Variants in HHLA2 observed in about 807,000 individuals in gnomAD.
HHLA2 encodes HERV-H LTR-associating protein 2.
Under a neutral mutation model 45.9 loss-of-function variants are expected in HHLA2, and 48 were observed. That is an observed-to-expected ratio of 1.05 (90% CI 0.83 to 1.33). The LOEUF is 1.33. Among genes scored for constraint, HHLA2 ranks in the 40% most tolerant of loss-of-function variants. The pLI, the probability that HHLA2 is intolerant of heterozygous loss-of-function variation, is 0.00. For missense variants in HHLA2, 462 were observed against 494.3 expected (o/e 0.93, Z 0.62); for synonymous variants, 161 against 173.9 (o/e 0.93, Z 0.59).
intron 4 of HHLA2, among the ~76,000 whole-genome samples, chr3:108,352,946 G>A (rs1381722777): frequency 6.6e-6 from 1 of 152,148 alleles, no homozygotes; most frequent in East Asian, 1.9e-4. Flanking sequence ...ACCCAGCATT[G>A]TCTTCTATGT....
chr3:108,321,014 A>C (rs2081189989), intron 2 of HHLA2, among the ~76,000 whole-genome samples: 1 of 148,894 alleles, frequency 6.7e-6, no homozygotes, highest in Non-Finnish European at 1.5e-5. Context: ...AGAAAGAATA[A>C]GGAATTTATT....
At chr3:108,303,589 T>G (rs1026625352) in intron 1 of HHLA2, among the ~76,000 whole-genome samples, 1 of 152,200 alleles carries the variant, frequency 6.6e-6, no homozygotes, top group African/African-American at 2.4e-5. Flanking sequence ...TTTTGTATAT[T>G]TTTTTCTAGA....
rs13316353 is a variant in HHLA2, at chr3:108,345,445, G to A, written c.-26-6343G>A. On this transcript the variant is annotated intron_variant, in intron 3 of 10. Coordinates refer to ENST00000619531, the Ensembl canonical transcript of HHLA2. ...CTGCAAATTCACAGAATATCAGATA[G>A]TAAATGTGTGGTATTGTTAAAATAA... Among the ~76,000 whole-genome samples, 1,466 of 152,356 alleles carry A rather than the reference G, an allele frequency of 9.6e-3. 21 individuals are homozygous for A. Among genetic ancestry groups the A allele is most frequent in the African/African-American group, 0.033 (1,379 of 41,582 alleles).
intron 3 of HHLA2, among the ~76,000 whole-genome samples, chr3:108,349,695 G>A (rs1405587602): frequency 6.6e-6 from 1 of 152,190 alleles, no homozygotes; most frequent in Non-Finnish European, 1.5e-5. Context: ...GTACAGTGAA[G>A]GGTTTGGCCT....
intron 1 of HHLA2, among the ~76,000 whole-genome samples, chr3:108,304,088 C>T (rs1248650511): frequency 6.6e-6 from 1 of 152,098 alleles, no homozygotes; most frequent in Non-Finnish European, 1.5e-5. Flanking sequence ...AATGCACTGG[C>T]GTTTTGAGTG....
intron 8 of HHLA2, 92 bp downstream of exon 7, chr3:108,362,538 T>G: frequency 1.2e-6 from 1 of 818,904 alleles, no homozygotes; most frequent in South Asian, 1.7e-5. Context: ...CTACTGGGCA[T>G]GTAATTGATC....
chr3:108,327,296 TG>T (rs2081304307), intron 2 of HHLA2, among the ~76,000 whole-genome samples: 1 of 152,198 alleles, frequency 6.6e-6, no homozygotes, highest in African/African-American at 2.4e-5. Context: ...ACATTTTTGG[TG>T]AGGTACCTGG....
chr3:108,358,999 TTGAG>T (rs1462572407), intron 7 of HHLA2, among the ~76,000 whole-genome samples: 1 of 152,176 alleles, frequency 6.6e-6, no homozygotes, highest in Non-Finnish European at 1.5e-5. Context: ...CTTCTGGACA[TTGAG>T]TAATAACACT....
At chr3:108,307,847 T>C (rs1014280284) in intron 1 of HHLA2, among the ~76,000 whole-genome samples, 9 of 152,252 alleles carry the variant, frequency 5.9e-5, no homozygotes, top group African/African-American at 2.2e-4. Context: ...CATTTAGTAA[T>C]TAGGTCTTTT....
intron 2 of HHLA2, among the ~76,000 whole-genome samples, chr3:108,313,820 G>A (rs2081060177): frequency 6.6e-6 from 1 of 152,124 alleles, no homozygotes. Flanking sequence ...TGTGACCTTG[G>A]GCAAGTCAGT....
At chr3:108,372,734 T>C (rs1308198695) in intron 8 of HHLA2, among the ~76,000 whole-genome samples, 2 of 152,156 alleles carry the variant, frequency 1.3e-5, no homozygotes, top group African/African-American at 2.4e-5. Context: ...CTAGAAGAAA[T>C]GGATAAATTC....
intron 1 of HHLA2, among the ~76,000 whole-genome samples, chr3:108,301,292 G>GCTTTTTACCTCTT (rs2107279584): frequency 6.6e-6 from 1 of 152,210 alleles, no homozygotes; most frequent in South Asian, 2.1e-4. Context: ...TCTTTGAAAA[G>GCTTTTTACCTCTT]CTTTTTACCT....
At chr3:108,308,261 C>A (rs753740726) in intron 1 of HHLA2, among the ~76,000 whole-genome samples, 1 of 152,152 alleles carries the variant, frequency 6.6e-6, no homozygotes, top group African/African-American at 2.4e-5. Context: ...GAACATGTGA[C>A]GTTTGTCTTT....
intron 7 of HHLA2, among the ~76,000 whole-genome samples, chr3:108,361,543 G>A (rs1268614015): frequency 6.6e-6 from 1 of 152,050 alleles, no homozygotes; most frequent in Non-Finnish European, 1.5e-5. Context: ...TTCCTTTAAG[G>A]GAAAGCTCTC....
intron 7 of HHLA2, among the ~76,000 whole-genome samples, chr3:108,360,838 C>T (rs16844871): frequency 0.026 from 3,908 of 152,198 alleles, 158 homozygotes; most frequent in African/African-American, 0.087. Context: ...CGGACTCCTG[C>T]GTGGAATTTC....
At chr3:108,308,460 T>C (rs1362043661) in intron 1 of HHLA2, among the ~76,000 whole-genome samples, 6 of 152,258 alleles carry the variant, frequency 3.9e-5, no homozygotes, top group Admixed American at 3.3e-4. Flanking sequence ...TTATGAGCAG[T>C]GCTGTAACAA....
Position 108,355,106 on chromosome 3 carries a change from C to T in HHLA2, c.419-9C>T, listed in dbSNP as rs770299686. 8 of 1,608,218 alleles carry T rather than the reference C, an allele frequency of 5.0e-6. No homozygotes were observed. The South Asian group carries it at 8.9e-5, about 18-fold the overall frequency. On this transcript the variant is annotated splice_polypyrimidine_tract_variant and intron_variant, in intron 5 of 10. Transcript: ENST00000619531. ...CAGTTTTTCATGCGCCCTTCTTTCT[C>T]CTATGTAGTTTTTCTCACACCCGTG...
intron 3 of HHLA2, among the ~76,000 whole-genome samples, chr3:108,344,828 C>G (rs1041456493): frequency 2.0e-5 from 3 of 152,158 alleles, no homozygotes; most frequent in African/African-American, 7.2e-5. Flanking sequence ...ACAACAACAA[C>G]AACAAAACCC....
intron 8 of HHLA2, among the ~76,000 whole-genome samples, chr3:108,370,884 C>T: frequency 6.6e-6 from 1 of 152,148 alleles, no homozygotes; most frequent in East Asian, 1.9e-4. Context: ...GAGAATGGAA[C>T]CAAGCTGGAA....
Sources: gnomAD v4.1 joint callset for allele counts (sites outside exome capture counted in the v4.1 genomes callset) on GRCh38, gnomAD v4.1.1 for gene constraint, MANE v1.5 for transcripts, NCBI Gene and HGNC (gene_info 2026-07-23, HGNC 2026-07-21) for gene names.